Variants in MACF1 observed in about 807,000 individuals in gnomAD.
MACF1 encodes microtubule-actin cross-linking factor 1.
A neutral mutation model predicts 854.8 loss-of-function variants in MACF1; 193 were observed. The observed-to-expected ratio is 0.23, with a 90% confidence interval of 0.20 to 0.25. The LOEUF (loss-of-function observed/expected upper bound fraction) is 0.25. Among genes scored for constraint, MACF1 ranks in the 10% least tolerant of loss-of-function variants. The pLI is 1.00. For synonymous variants in MACF1, 3,185 were observed against 3,226.7 expected (o/e 0.99, Z 0.44); for missense variants, 7,722 against 8,929.1 (o/e 0.86, Z 5.45).
intron 2 of MACF1, among the ~76,000 whole-genome samples, chr1:39,136,221 G>A (rs908276290): frequency 5.9e-5 from 9 of 152,208 alleles, no homozygotes; most frequent in Non-Finnish European, 1.0e-4. Context: ...CAAGTATAAA[G>A]AGCCTTAGCA....
rs146607812 is a variant in MACF1 at position 39,094,408 on chromosome 1, A to G, written c.220+9970A>G. Among the ~76,000 whole-genome samples, 653 of 151,732 alleles carry G rather than the reference A, an allele frequency of 4.3e-3. 8 individuals are homozygous for G. The highest frequency in any genetic ancestry group is 0.015 in the African/African-American group (628 of 41,376). On this transcript the variant is annotated intron_variant, in intron 2 of 93. Coordinates refer to the MACF1 transcript ENST00000361689. ...CAAGAGTGAAATTTTGTCTCCAAAA[A>G]AAAAAAAAGAAAAGAAAAAAGAAAG... is the stretch of plus-strand genomic sequence containing the variant.
intron 2 of MACF1, among the ~76,000 whole-genome samples, chr1:39,190,404 T>TG (rs1553160974): frequency 1.0e-4 from 14 of 135,848 alleles, no homozygotes; most frequent in Non-Finnish European, 1.6e-4. Flanking sequence ...TGTTTTTGTT[T>TG]TTTTTTTTTT....
intron 58 of MACF1, among the ~76,000 whole-genome samples, chr1:39,397,521 C>T (rs1337674451): frequency 6.6e-6 from 1 of 151,606 alleles, no homozygotes; most frequent in Non-Finnish European, 1.5e-5. Flanking sequence ...GAGATCATGC[C>T]ATTGCGCTCC....
intron 2 of MACF1, among the ~76,000 whole-genome samples, chr1:39,130,983 A>G (rs960084411): frequency 1.3e-5 from 2 of 151,268 alleles, no homozygotes; most frequent in African/African-American, 4.9e-5. Flanking sequence ...CTGGGATTAC[A>G]GGCATTACAG....
intron 33 of MACF1, 101 bp downstream of exon 33, chr1:39,323,109 T>C: frequency 5.7e-6 from 6 of 1,049,478 alleles, no homozygotes; most frequent in Non-Finnish European, 8.9e-6. Flanking sequence ...GGTGGCTGAG[T>C]TGGGAGGATT....
chr1:39,459,498 A>C (rs1393698386), intron 91 of MACF1, among the ~76,000 whole-genome samples: 10 of 152,234 alleles, frequency 6.6e-5, no homozygotes, highest in African/African-American at 2.4e-4. Flanking sequence ...CAGCCAGTCC[A>C]TAATGAGGGC....
At chr1:39,376,479 G>A (rs1649728652) in intron 52 of MACF1, among the ~76,000 whole-genome samples, 1 of 152,118 alleles carries the variant, frequency 6.6e-6, no homozygotes, top group Admixed American at 6.5e-5. Flanking sequence ...GAGTTAACAG[G>A]ATAGGTTGTA....
chr1:39,418,393 A>C (rs1643408109), intron 58 of MACF1, among the ~76,000 whole-genome samples: 1 of 152,248 alleles, frequency 6.6e-6, no homozygotes, highest in Admixed American at 6.5e-5. Flanking sequence ...TATTGTGGTT[A>C]GTATTTAAAC....
In MACF1 at chr1:39,399,469, G is replaced by T. The variant is rs145988727; in HGVS notation, c.15816+10811G>T. 2.6e-3 allele frequency among the ~76,000 whole-genome samples: 374 copies of T among 142,726 alleles called. 1 individual carries two copies. Among genetic ancestry groups the T allele is most frequent in the South Asian group, 4.7e-3 (22 of 4,634 alleles). The allele number at this position is 142,726 out of a possible 152,430, so 93.6% of individuals were successfully genotyped here. On this transcript the variant is annotated intron_variant, in intron 58 of 100. Coordinates refer to ENST00000564288, the MANE Select transcript of MACF1 (RefSeq NM_001394062.1). ...GGCTCACTGCAATTTCTGACTCCCA[G>T]GTTCAAGCGATTCTCTTGCCTCAGC...
At chr1:39,124,578 T>G (rs1642812525) in intron 2 of MACF1, among the ~76,000 whole-genome samples, 1 of 152,220 alleles carries the variant, frequency 6.6e-6, no homozygotes, top group Non-Finnish European at 1.5e-5. Flanking sequence ...AGAGGCTTTC[T>G]CCTCTTCCTC....
Position 39,351,924 on chromosome 1 carries a change from C to G in MACF1, c.11199+906C>G, listed in dbSNP as rs114003910. Among the ~76,000 whole-genome samples, 807 of 152,102 alleles carry G rather than the reference C, an allele frequency of 5.3e-3. 5 individuals are homozygous for G. The highest frequency in any genetic ancestry group is 0.019 in the African/African-American group (769 of 41,464). ...TTTAATATGAGTCTAGACTGGTGAT[C>G]TAAGAGTACTAGGGAAAAATATCTA... On this transcript the variant is annotated intron_variant, in intron 43 of 100. Coordinates refer to ENST00000564288, the MANE Select transcript of MACF1 (RefSeq NM_001394062.1).
chr1:39,353,613 C>T (rs941056398), intron 44 of MACF1, among the ~76,000 whole-genome samples: 5 of 152,146 alleles, frequency 3.3e-5, no homozygotes, highest in African/African-American at 9.7e-5. Context: ...TGATTTCTGT[C>T]CCGAGCTTCA....
At chr1:39,301,136 T>A (rs937290078) in intron 22 of MACF1, among the ~76,000 whole-genome samples, 9 of 152,206 alleles carry the variant, frequency 5.9e-5, no homozygotes, top group African/African-American at 2.2e-4. Flanking sequence ...TTTATTTATT[T>A]ATTTATTTGA....
intron 71 of MACF1, 105 bp from the exon 72 acceptor site, chr1:39,439,169 A>C: frequency 1.7e-6 from 1 of 575,998 alleles, no homozygotes; most frequent in East Asian, 2.8e-5. Flanking sequence ...ATTTTTTTAA[A>C]AAATAGTTTC....
chr1:39,467,366 A>G (rs79420643), intron 95 of MACF1, among the ~76,000 whole-genome samples: 9,323 of 152,162 alleles, frequency 0.061, 735 homozygotes, highest in African/African-American at 0.19. Context: ...CTCCATCTCA[A>G]AAAAAAGAAA....
intron 2 of MACF1, among the ~76,000 whole-genome samples, chr1:39,138,982 A>G (rs536307890): frequency 1.3e-5 from 2 of 152,258 alleles, no homozygotes; most frequent in African/African-American, 4.8e-5. Context: ...AATAATTTTT[A>G]TGAACTGTCT....
Position 39,353,048 on chromosome 1 carries a change from C to A in MACF1, c.11241C>A (p.Ile3747=), listed in dbSNP as rs760280713. The A allele has an allele frequency of 6.2e-7, 1 of 1,613,954 alleles. No homozygotes were observed. Among genetic ancestry groups the A allele is most frequent in the East Asian group, 2.2e-5 (1 of 44,864 alleles). The change falls in exon 44 of 101, where the codon ATC becomes ATA. Residue 3747 remains isoleucine, a synonymous_variant. Transcript: ENST00000564288. ...AKELAENKKK[I]DALLDWVTSV... ...AACTGGCAGAGAACAAGAAGAAGATCGATGCTCTCCTGGATTGGGTAACTT... is the reference window on the plus strand; with the variant it reads ...AACTGGCAGAGAACAAGAAGAAGATAGATGCTCTCCTGGATTGGGTAACTT...
chr1:39,368,387 C>G, intron 50 of MACF1, 73 bp downstream of exon 50: 1 of 1,426,488 alleles, frequency 7.0e-7, no homozygotes, highest in Non-Finnish European at 9.7e-7. Context: ...GATCTTTTCT[C>G]TTTTCTTCCT....
chr1:39,185,577 C>G (rs1644157865), intron 2 of MACF1, among the ~76,000 whole-genome samples: 1 of 151,734 alleles, frequency 6.6e-6, no homozygotes, highest in Non-Finnish European at 1.5e-5. Context: ...AAAACAACAA[C>G]TATAATTTGA....
Sources: gnomAD v4.1 joint callset for allele counts (sites outside exome capture counted in the v4.1 genomes callset) on GRCh38, gnomAD v4.1.1 for gene constraint, MANE v1.5 for transcripts, NCBI Gene and HGNC (gene_info 2026-07-23, HGNC 2026-07-21) for gene names.